Variants in TRMT2B observed in about 807,000 individuals in gnomAD.
The protein encoded by TRMT2B is tRNA methyltransferase 2B.
Under a neutral mutation model 39.7 loss-of-function variants are expected in TRMT2B, and 34 were observed. That is an observed-to-expected ratio of 0.86 (90% CI 0.65 to 1.14). The LOEUF is 1.14. TRMT2B is among the 50% of genes most tolerant of loss of function. The pLI is 0.00. For missense variants in TRMT2B, 318 were observed against 377.2 expected, an observed-to-expected ratio of 0.84 and a Z score of 1.30; for synonymous variants, 132 against 137.3, an observed-to-expected ratio of 0.96 and a Z score of 0.27.
intron 7 of TRMT2B, among the ~76,000 whole-genome samples, chrX:101,027,509 TG>T (rs1398715723): frequency 9.1e-6 from 1 of 110,191 alleles, no homozygotes. Context: ...CCCAAAGTGC[TG>T]GGATTACAGG....
At chrX:101,049,878 G>T (rs1190462513) in intron 2 of TRMT2B, among the ~76,000 whole-genome samples, 2 of 111,589 alleles carry the variant, frequency 1.8e-5, no homozygotes, top group Non-Finnish European at 3.8e-5. Flanking sequence ...GAAGAGGCAA[G>T]AGACATAAAG....
rs1286086223 is a variant in TRMT2B, at chrX:101,051,442, TC to T, written c.-216del. On this transcript the variant is annotated 5_prime_UTR_variant, in exon 2 of 14. The change creates a premature stop within an existing upstream ORF in the 5' untranslated region. Coordinates refer to ENST00000372936, the MANE Select transcript of TRMT2B (RefSeq NM_024917.6). Reference sequence around the variant, plus strand: ...GCCCACAGGCAGTCAGGTCCTTGTCTCCCCAACAAGACTCCACTAGCCCTTC... The same window carrying T: ...GCCCACAGGCAGTCAGGTCCTTGTCTCCCAACAAGACTCCACTAGCCCTTC... 2.7e-5 allele frequency: 20 copies of T among 754,419 alleles called. No individual in the cohort carries two copies. The highest frequency in any genetic ancestry group is 3.1e-5 in the Non-Finnish European group (20 of 639,444). 62.2% of individuals were successfully genotyped at this position (754,419 alleles called of 1,213,427 possible).
the TRMT2B span, chrX:100,973,659 T>A: frequency 1.7e-6 from 2 of 1,199,583 alleles, no homozygotes; most frequent in Non-Finnish European, 2.3e-6. Flanking sequence ...ATTTTCTTTC[T>A]TCTCTTAATA....
At chrX:101,000,624 A>C in the TRMT2B span, among the ~76,000 whole-genome samples, 3 of 109,712 alleles carry the variant, frequency 2.7e-5, no homozygotes, top group South Asian at 3.9e-4. Flanking sequence ...AGTCTAGAAG[A>C]GTAGCAAGCA....
chrX:101,022,001 G>A lies in TRMT2B; in HGVS notation c.818C>T (p.Ala273Val). Residue 273 changes from alanine to valine, a missense_variant, in exon 9 of 14, where the codon GCC (alanine) becomes GTC (valine). Transcript: ENST00000372936. ...KEFFIRGPGAACGLTSLYFQE... is the reference protein window; with the variant it reads ...KEFFIRGPGAVCGLTSLYFQE... ...GAAGTAAAGTGAGGTCAAGCCACAG[G>A]CTGCTCCAGGACCTCTGATGAAAAA... 1 of 1,210,635 alleles carries A rather than the reference G, an allele frequency of 8.3e-7. No individual in the cohort carries two copies. The highest frequency in any genetic ancestry group is 1.1e-6 in the Non-Finnish European group (1 of 894,472).
the TRMT2B span, among the ~76,000 whole-genome samples, chrX:100,994,422 T>C: frequency 8.9e-6 from 1 of 111,809 alleles, no homozygotes. Flanking sequence ...CTCATATGGC[T>C]CTGGGTATGT....
intron 2 of TRMT2B, among the ~76,000 whole-genome samples, chrX:101,044,482 G>A (rs1014363905): frequency 9.0e-6 from 1 of 111,311 alleles, no homozygotes; most frequent in African/African-American, 3.3e-5. Flanking sequence ...CAACACTTTG[G>A]GAGGCCAGGG....
chrX:100,973,882 G>A, the TRMT2B span: 2 of 750,306 alleles, frequency 2.7e-6, no homozygotes, highest in Non-Finnish European at 3.9e-6. Flanking sequence ...TAAGATTGGG[G>A]GCAGGGTTGA....
chrX:101,037,887 T>C (rs910341918), intron 5 of TRMT2B, 30 bp downstream of exon 5: 7 of 1,194,023 alleles, frequency 5.9e-6, no homozygotes, highest in South Asian at 1.8e-5. Context: ...GGGGCCTTAA[T>C]AGATAAGGAA....
intron 2 of TRMT2B, among the ~76,000 whole-genome samples, chrX:101,049,385 C>T (rs2088898404): frequency 9.7e-6 from 1 of 103,131 alleles, no homozygotes; most frequent in Non-Finnish European, 1.9e-5. Context: ...GTCCTAGCTA[C>T]TTAGGAGGCT....
the TRMT2B span, among the ~76,000 whole-genome samples, chrX:100,981,429 C>T: frequency 9.0e-6 from 1 of 110,677 alleles, no homozygotes; most frequent in Non-Finnish European, 1.9e-5. Context: ...CCATGTGGTG[C>T]TGCCAGGGGA....
the TRMT2B span, among the ~76,000 whole-genome samples, chrX:100,991,952 C>A: frequency 1.9e-5 from 2 of 104,963 alleles, no homozygotes; most frequent in Admixed American, 2.1e-4. Context: ...TGAAGAGAGG[C>A]TGATTAATGG....
the TRMT2B span, among the ~76,000 whole-genome samples, chrX:100,998,785 TAGGCCAGGTCAGCCTG>T: frequency 9.0e-6 from 1 of 110,897 alleles, no homozygotes; most frequent in African/African-American, 3.3e-5. Context: ...AGTCAGGATT[TAGGCCAGGTCAGCCTG>T]ACTCCAAAAC....
At chrX:101,035,830 C>T (rs1262538373) in intron 6 of TRMT2B, 147 bp from the exon 7 acceptor site, 2 of 460,435 alleles carry the variant, frequency 4.3e-6, no homozygotes, top group Non-Finnish European at 7.4e-6. Context: ...TCAGAGAAAA[C>T]CTAATTATTT....
At chrX:101,046,448 G>A (rs2088677413) in intron 2 of TRMT2B, among the ~76,000 whole-genome samples, 1 of 111,613 alleles carries the variant, frequency 9.0e-6, no homozygotes, top group African/African-American at 3.3e-5. Flanking sequence ...TGAGATTTTA[G>A]GAGTACAGAT....
intron 13 of TRMT2B, among the ~76,000 whole-genome samples, chrX:101,016,642 GTTTTTT>G (rs397827366): frequency 1.7e-5 from 1 of 57,618 alleles, no homozygotes; most frequent in Admixed American, 2.1e-4. Flanking sequence ...AATTTTCGTG[GTTTTTT>G]TTTTTTTTTT....
intron 2 of TRMT2B, among the ~76,000 whole-genome samples, chrX:101,044,167 G>A (rs1469911115): frequency 9.3e-6 from 1 of 108,096 alleles, no homozygotes; most frequent in Admixed American, 9.9e-5. Context: ...GCTTGAACCC[G>A]GGAGGCAGAG....
chrX:101,001,408 TTG>T, the TRMT2B span, among the ~76,000 whole-genome samples: 1 of 109,924 alleles, frequency 9.1e-6, no homozygotes, highest in Non-Finnish European at 1.9e-5. Context: ...GAAAATTTTT[TTG>T]TGTGTGTGGA....
At chrX:101,000,312 G>T in the TRMT2B span, among the ~76,000 whole-genome samples, 3 of 109,821 alleles carry the variant, frequency 2.7e-5, no homozygotes, top group Non-Finnish European at 3.8e-5. Flanking sequence ...AGTAGAGATG[G>T]GGTTTCACCA....
Sources: gnomAD v4.1 joint callset for allele counts (sites outside exome capture counted in the v4.1 genomes callset) on GRCh38, gnomAD v4.1.1 for gene constraint, MANE v1.5 for transcripts, NCBI Gene and HGNC (gene_info 2026-07-23, HGNC 2026-07-21) for gene names.